DPP10: variants seen among roughly 807,000 people sequenced by gnomAD.
DPP10 encodes the protein inactive dipeptidyl peptidase 10.
In DPP10, 33 loss-of-function variants were observed where a neutral mutation model predicts 120.9. That is an observed-to-expected ratio of 0.27 (90% CI 0.21 to 0.37). The LOEUF is 0.37. DPP10 is among the 10% of genes least tolerant of loss of function. The pLI, the probability that DPP10 is intolerant of heterozygous loss-of-function variation, is 1.00. For synonymous variants in DPP10, 337 were observed against 326.1 expected (o/e 1.03, Z -0.36); for missense variants, 816 against 942.8 (o/e 0.87, Z 1.76).
At chr2:115,667,721 C>T (rs974206462) in intron 5 of DPP10, among the ~76,000 whole-genome samples, 16 of 152,046 alleles carry the variant, frequency 1.1e-4, no homozygotes, top group African/African-American at 2.9e-4. Flanking sequence ...AGTCCCATGC[C>T]ATTTTGGTTA....
At chr2:114,822,013 G>A (rs1686130243) in intron 1 of DPP10, among the ~76,000 whole-genome samples, 1 of 152,098 alleles carries the variant, frequency 6.6e-6, no homozygotes, top group African/African-American at 2.4e-5. Flanking sequence ...GAGGATGGTG[G>A]CCCTCTTCTC....
At chr2:115,389,805 G>A (rs1050640222) in intron 3 of DPP10, among the ~76,000 whole-genome samples, 1 of 135,076 alleles carries the variant, frequency 7.4e-6, no homozygotes, top group African/African-American at 2.8e-5. Context: ...GAGCCTCTTT[G>A]TGATTACTTA....
At chr2:115,474,066 C>T (rs377155872) in intron 3 of DPP10, among the ~76,000 whole-genome samples, 29 of 152,172 alleles carry the variant, frequency 1.9e-4, no homozygotes, top group Admixed American at 1.3e-4. Context: ...AGGAATGACT[C>T]AATCCTGTCA....
At chr2:114,899,869 A>C (rs1385947480) in intron 1 of DPP10, among the ~76,000 whole-genome samples, 1 of 152,186 alleles carries the variant, frequency 6.6e-6, no homozygotes, top group Non-Finnish European at 1.5e-5. Flanking sequence ...CTGAGGCAGG[A>C]GAATGGCGTG....
At chr2:115,744,178 G>A (rs1677654050) in intron 9 of DPP10, among the ~76,000 whole-genome samples, 1 of 150,458 alleles carries the variant, frequency 6.6e-6, no homozygotes, top group Non-Finnish European at 1.5e-5. Context: ...TGGGGTCCAT[G>A]AATGCGTTGC....
At chr2:114,829,610 C>T (rs1242977133) in intron 1 of DPP10, among the ~76,000 whole-genome samples, 1 of 151,488 alleles carries the variant, frequency 6.6e-6, no homozygotes, top group Non-Finnish European at 1.5e-5. Flanking sequence ...TGCCTGACCT[C>T]AGGTGGTCCT....
rs181226059 is a variant in DPP10 at position 115,002,518 on chromosome 2, T to C, written c.61-306721T>C. ...TGCAGCAAAAACAAAAATTGATAAA[T>C]GGCATCTAATTGAACTAAAGAGCTA... is the stretch of plus-strand genomic sequence containing the variant. On this transcript the variant is annotated intron_variant, in intron 1 of 25. Coordinates refer to ENST00000410059, the MANE Select transcript of DPP10 (RefSeq NM_020868.6). Among the ~76,000 whole-genome samples the C allele has an allele frequency of 3.5e-3, 494 of 141,644 alleles. 6 individuals are homozygous for C. Among genetic ancestry groups the C allele is most frequent in the Non-Finnish European group, 3.9e-3 (240 of 61,934 alleles). The allele number at this position is 141,644 out of a possible 152,430, so 92.9% of individuals were successfully genotyped here.
chr2:115,489,787 T>C (rs1482645822), intron 3 of DPP10, among the ~76,000 whole-genome samples: 1 of 151,914 alleles, frequency 6.6e-6, no homozygotes, highest in Non-Finnish European at 1.5e-5. Context: ...CTGCAGACAA[T>C]CTCTATTAAT....
At chr2:115,564,207 T>C (rs2149062254) in intron 5 of DPP10, among the ~76,000 whole-genome samples, 1 of 151,922 alleles carries the variant, frequency 6.6e-6, no homozygotes, top group African/African-American at 2.4e-5. Flanking sequence ...TCTCTAATTA[T>C]TTTTTCACTG....
chr2:115,459,201 G>T (rs2073824568), intron 3 of DPP10, among the ~76,000 whole-genome samples: 2 of 151,688 alleles, frequency 1.3e-5, no homozygotes, highest in Admixed American at 6.6e-5. Flanking sequence ...CTGTTGCCCA[G>T]GCTGGAGTGC....
At chr2:114,820,322 A>G (rs2106354207) in intron 1 of DPP10, among the ~76,000 whole-genome samples, 1 of 152,298 alleles carries the variant, frequency 6.6e-6, no homozygotes, top group Non-Finnish European at 1.5e-5. Flanking sequence ...GTACTATATG[A>G]TATCAACATC....
chr2:115,423,797 A>T (rs1446417283), intron 3 of DPP10, among the ~76,000 whole-genome samples: 1 of 152,150 alleles, frequency 6.6e-6, no homozygotes. Context: ...TGGTTTGAGT[A>T]TGACTGTCTT....
chr2:115,501,486 T>C (rs997132612), intron 4 of DPP10, among the ~76,000 whole-genome samples: 3 of 152,098 alleles, frequency 2.0e-5, no homozygotes, highest in Non-Finnish European at 2.9e-5. Context: ...TGAGGTCTCT[T>C]TCTATTCTCC....
intron 4 of DPP10, among the ~76,000 whole-genome samples, chr2:115,515,226 T>C (rs2077439323): frequency 6.6e-6 from 1 of 151,390 alleles, no homozygotes; most frequent in Admixed American, 6.6e-5. Context: ...AATATATATG[T>C]AGGCTAAATA....
intron 7 of DPP10, among the ~76,000 whole-genome samples, chr2:115,698,486 A>G (rs2091714430): frequency 6.6e-6 from 1 of 152,184 alleles, no homozygotes; most frequent in South Asian, 2.1e-4. Flanking sequence ...AAGTTTTAGG[A>G]GGTAATTAAG....
intron 1 of DPP10, among the ~76,000 whole-genome samples, chr2:115,018,730 G>C (rs1169019749): frequency 2.0e-5 from 3 of 152,082 alleles, no homozygotes; most frequent in African/African-American, 7.2e-5. Context: ...GGGGCTAGGG[G>C]AGGGATAGCA....
At chr2:115,521,547 GA>G (rs2077810132) in intron 4 of DPP10, among the ~76,000 whole-genome samples, 2 of 151,408 alleles carry the variant, frequency 1.3e-5, no homozygotes, top group Non-Finnish European at 2.9e-5. Context: ...ATAAAAACTT[GA>G]AAACCTGGAG....
intron 13 of DPP10, among the ~76,000 whole-genome samples, chr2:115,774,258 A>C (rs2149835969): frequency 6.6e-6 from 1 of 152,006 alleles, no homozygotes; most frequent in South Asian, 2.1e-4. Flanking sequence ...ACTCTGAAAA[A>C]CAGAGAAAAT....
chr2:115,178,585 A>T (rs2053865714), intron 1 of DPP10, among the ~76,000 whole-genome samples: 1 of 152,202 alleles, frequency 6.6e-6, no homozygotes, highest in Admixed American at 6.5e-5. Flanking sequence ...GATGGTTATT[A>T]TGATATGTAT....
Sources: gnomAD v4.1 joint callset for allele counts (sites outside exome capture counted in the v4.1 genomes callset) on GRCh38, gnomAD v4.1.1 for gene constraint, MANE v1.5 for transcripts, NCBI Gene and HGNC (gene_info 2026-07-23, HGNC 2026-07-21) for gene names.